SPTBN1: variants seen among roughly 807,000 people sequenced by gnomAD.
SPTBN1 encodes spectrin beta, non-erythrocytic 1, also known as spectrin beta chain, non-erythrocytic 1.
A neutral mutation model predicts 266.4 loss-of-function variants in SPTBN1; 32 were observed. The observed-to-expected ratio is 0.12, with a 90% CI of 0.09 to 0.16. SPTBN1 has a LOEUF of 0.16. Among genes scored for constraint, SPTBN1 ranks in the 10% least tolerant of loss-of-function variants. The probability of loss-of-function intolerance (pLI) is 1.00; values close to 1 mark genes in which losing one functional copy is unlikely to be tolerated. For synonymous variants in SPTBN1, 1,336 were observed against 1,162.2 expected (o/e 1.15, Z -3.04); for missense variants, 2,296 against 3,067.1 (o/e 0.75, Z 5.94).
At chr2:54,478,814 A>C (rs894016174) in intron 1 of SPTBN1, among the ~76,000 whole-genome samples, 19 of 152,230 alleles carry the variant, frequency 1.2e-4, no homozygotes, top group Non-Finnish European at 2.4e-4. Flanking sequence ...TGAATGGTTA[A>C]ACATTTGCTG....
chr2:54,565,149 C>G (rs1367911308), intron 2 of SPTBN1, among the ~76,000 whole-genome samples: 1 of 152,158 alleles, frequency 6.6e-6, no homozygotes, highest in East Asian at 1.9e-4. Context: ...AGCTACTCTG[C>G]CAGGTGGTTC....
intron 2 of SPTBN1, among the ~76,000 whole-genome samples, chr2:54,551,554 T>G (rs1238964537): frequency 2.6e-5 from 4 of 152,226 alleles, no homozygotes; most frequent in Non-Finnish European, 5.9e-5. Context: ...CTTGGGTGCT[T>G]GTTTCCAGTG....
intron 2 of SPTBN1, among the ~76,000 whole-genome samples, chr2:54,564,796 A>G (rs1490512702): frequency 6.6e-6 from 1 of 152,116 alleles, no homozygotes; most frequent in African/African-American, 2.4e-5. Flanking sequence ...TCAGCGCTTG[A>G]TCATTCACCT....
At chr2:54,587,064 C>T (rs1267922866) in intron 2 of SPTBN1, among the ~76,000 whole-genome samples, 1 of 152,134 alleles carries the variant, frequency 6.6e-6, no homozygotes, top group Non-Finnish European at 1.5e-5. Context: ...TAAACTACCT[C>T]TGACTAGCTT....
At position 54,644,198 on chromosome 2, in the gene SPTBN1, G is replaced by A. The variant is rs187373841; in HGVS notation, c.4006-125G>A. The A allele has an allele frequency of 3.5e-3, 4,379 of 1,234,312 alleles. 16 individuals carry two copies. Among genetic ancestry groups the A allele is most frequent in the Non-Finnish European group, 4.5e-3 (4,028 of 887,490 alleles). 76.5% of individuals were successfully genotyped at this position (1,234,312 alleles called of 1,614,324 possible). On this transcript the variant is annotated intron_variant, in intron 19 of 35. Transcript: ENST00000356805. ...TTTTATTGAGCAGTAACTTCATGTGGAAAGACTGTGTGTATTGAGTGAATG... is the reference window on the plus strand; with the variant it reads ...TTTTATTGAGCAGTAACTTCATGTGAAAAGACTGTGTGTATTGAGTGAATG...
chr2:54,526,705 C>A, intron 2 of SPTBN1, 139 bp downstream of exon 2: 1 of 1,076,212 alleles, frequency 9.3e-7, no homozygotes, highest in Non-Finnish European at 1.2e-6. Flanking sequence ...TGAGAGCCAG[C>A]TGACCATTTT....
intron 2 of SPTBN1, among the ~76,000 whole-genome samples, chr2:54,575,516 G>A (rs530708822): frequency 5.9e-5 from 9 of 152,308 alleles, no homozygotes; most frequent in African/African-American, 9.6e-5. Flanking sequence ...TTGTGGATAC[G>A]GTATTTGGTA....
chr2:54,609,664 A>G (rs1198084499), intron 3 of SPTBN1, among the ~76,000 whole-genome samples: 1 of 152,002 alleles, frequency 6.6e-6, no homozygotes, highest in Admixed American at 6.6e-5. Flanking sequence ...GGGCCAGTAG[A>G]CCATGTCAGT....
At chr2:54,542,366 C>T (rs76293523) in intron 2 of SPTBN1, among the ~76,000 whole-genome samples, 6,231 of 152,312 alleles carry the variant, frequency 0.041, 413 homozygotes, top group African/African-American at 0.14. Flanking sequence ...TAGGAGTGAA[C>T]GAGGAGTGCC....
chr2:54,558,970 G>C lies in SPTBN1; in HGVS notation c.148+32404G>C. ...CTTTATTTGTGACCCTAATGAAGACGGGCGGCTTCACAGCTCGGCCCCAGA... is the reference window on the plus strand; with the variant it reads ...CTTTATTTGTGACCCTAATGAAGACCGGCGGCTTCACAGCTCGGCCCCAGA... On this transcript the variant is annotated intron_variant, in intron 2 of 35. Transcript: ENST00000356805. The surrounding 1 kb of genome is among the most constrained non-coding windows in gnomAD (Gnocchi z 4.6). 1.3e-6 allele frequency: 2 copies of C among 1,501,772 alleles called. No homozygotes were observed. The highest frequency in any genetic ancestry group is 1.8e-6 in the Non-Finnish European group (2 of 1,111,880). The allele number at this position is 1,501,772 out of a possible 1,614,324, so 93.0% of individuals were successfully genotyped here.
chr2:54,622,653 A>G (rs1002753397), intron 9 of SPTBN1, among the ~76,000 whole-genome samples, 166 bp downstream of exon 9: 8 of 152,196 alleles, frequency 5.3e-5, no homozygotes, highest in Non-Finnish European at 7.3e-5. Flanking sequence ...TTTATGATAG[A>G]TCATGCTCTC....
intron 1 of SPTBN1, among the ~76,000 whole-genome samples, chr2:54,475,298 C>T (rs1446481205): frequency 2.6e-5 from 4 of 152,170 alleles, no homozygotes; most frequent in Admixed American, 6.5e-5. Flanking sequence ...TAGGGCCTTC[C>T]GTTTGGCAAC....
chr2:54,579,511 G>A (rs960469560), intron 2 of SPTBN1, among the ~76,000 whole-genome samples: 4 of 152,140 alleles, frequency 2.6e-5, no homozygotes, highest in African/African-American at 7.2e-5. Flanking sequence ...TAGCATTAGC[G>A]CACGTGCTAT....
chr2:54,474,392 G>T (rs946725228), intron 1 of SPTBN1, among the ~76,000 whole-genome samples: 1 of 150,796 alleles, frequency 6.6e-6, no homozygotes, highest in East Asian at 1.9e-4. Flanking sequence ...GTGGTGCCTG[G>T]GTCTAAAACC....
chr2:54,625,468 G>T (rs954896445), intron 11 of SPTBN1, among the ~76,000 whole-genome samples: 2 of 151,870 alleles, frequency 1.3e-5, no homozygotes, highest in Non-Finnish European at 2.9e-5. Context: ...CAGTGGGGTG[G>T]GGGACTCAGG....
At chr2:54,497,905 C>T (rs1396800078) in intron 1 of SPTBN1, among the ~76,000 whole-genome samples, 1 of 152,144 alleles carries the variant, frequency 6.6e-6, no homozygotes, top group Non-Finnish European at 1.5e-5. Context: ...CGCCAGTAAC[C>T]TCACAGCCGG....
Position 54,558,828 on chromosome 2 carries a change from A to G in SPTBN1, c.148+32262A>G, listed in dbSNP as rs1673069648. The G allele has an allele frequency of 1.2e-6, 2 of 1,613,824 alleles. No homozygotes were observed. The highest frequency in any genetic ancestry group is 2.7e-5 in the African/African-American group (2 of 74,932). ...ATCTCCGGGCCGCTGTCGCCGGCGT[A>G]CACGGGGCAGGTGCCTTACAACTAC... On this transcript the variant is annotated intron_variant, in intron 2 of 35. Transcript: ENST00000356805. The surrounding 1 kb of genome is among the most constrained non-coding windows in gnomAD (Gnocchi z 4.6).
chr2:54,491,105 G>T (rs1316951904), intron 1 of SPTBN1, among the ~76,000 whole-genome samples: 2 of 152,290 alleles, frequency 1.3e-5, no homozygotes, highest in South Asian at 4.1e-4. Flanking sequence ...CAGTCAGGAA[G>T]TTGTGGCAAT....
At chr2:54,604,014 C>T (rs1001507036) in intron 3 of SPTBN1, among the ~76,000 whole-genome samples, 3 of 152,172 alleles carry the variant, frequency 2.0e-5, no homozygotes, top group African/African-American at 7.2e-5. Flanking sequence ...ACTTCAGTGA[C>T]CACCAAGTTA....
Sources: gnomAD v4.1 joint callset for allele counts (sites outside exome capture counted in the v4.1 genomes callset) on GRCh38, gnomAD v4.1.1 for gene constraint, Gnocchi (gnomAD v3.1) non-coding constraint, MANE v1.5 for transcripts, NCBI Gene and HGNC (gene_info 2026-07-23, HGNC 2026-07-21) for gene names.